LRGUK: variants seen among roughly 807,000 people sequenced by gnomAD.
LRGUK encodes the protein leucine-rich repeat and guanylate kinase domain-containing protein.
LRGUK carries 65 observed loss-of-function variants against 76.0 expected under a neutral mutation model. That is an observed-to-expected ratio of 0.85 (90% CI 0.70 to 1.05). The LOEUF is 1.05. Ranked by LOEUF, LRGUK falls within the 50% of genes least tolerant of loss-of-function variation. The probability of loss-of-function intolerance (pLI) is 0.00; values close to 1 mark genes in which losing one functional copy is unlikely to be tolerated. For synonymous variants in LRGUK, 268 were observed against 265.6 expected (o/e 1.01, Z -0.09); for missense variants, 758 against 732.8 (o/e 1.03, Z -0.40).
At chr7:134,260,560 C>A (rs187738202) in intron 19 of LRGUK, among the ~76,000 whole-genome samples, 35 of 152,316 alleles carry the variant, frequency 2.3e-4, no homozygotes, top group African/African-American at 8.4e-4. Context: ...GGCTTCACAT[C>A]TTTTCAGGCC....
intron 15 of LRGUK, among the ~76,000 whole-genome samples, chr7:134,202,365 A>G (rs999853163): frequency 1.3e-5 from 2 of 152,194 alleles, no homozygotes; most frequent in African/African-American, 4.8e-5. Context: ...ATGTGGAGAA[A>G]TTGGAACCCT....
intron 8 of LRGUK, among the ~76,000 whole-genome samples, chr7:134,175,128 C>T (rs1799427887): frequency 6.6e-6 from 1 of 152,134 alleles, no homozygotes. Flanking sequence ...AATTATAGAA[C>T]AGAATAATAC....
At position 134,167,956 on chromosome 7, in the gene LRGUK, C is replaced by T. The variant is rs1356249735; in HGVS notation, c.939+4416C>T. 5.3e-5 allele frequency among the ~76,000 whole-genome samples: 8 copies of T among 152,296 alleles called. No individual in the cohort carries two copies. In the East Asian group the frequency reaches 1.5e-3, roughly 29 times the overall value. ...CATATTGCATATTCTAGTTTCACAT[C>T]TGTTACAGTTCACTGGCTTTCCAAC... On this transcript the variant is annotated intron_variant, in intron 7 of 15. Coordinates refer to ENST00000645682, the Ensembl canonical transcript of LRGUK.
At chr7:134,221,795 C>G in exon 16 of LRGUK, 1 of 1,547,420 alleles carries the variant, frequency 6.5e-7, no homozygotes, top group South Asian at 1.3e-5. Context: ...AGACATCCCA[C>G]CTGAAACCTG....
chr7:134,156,275 A>T (rs55763925), intron 5 of LRGUK, among the ~76,000 whole-genome samples: 3 of 151,868 alleles, frequency 2.0e-5, no homozygotes, highest in Non-Finnish European at 1.5e-5. Context: ...GTTTTTTATT[A>T]GGTTGTTTTT....
At chr7:134,167,153 G>C (rs1799026588) in intron 7 of LRGUK, among the ~76,000 whole-genome samples, 1 of 152,154 alleles carries the variant, frequency 6.6e-6, no homozygotes, top group African/African-American at 2.4e-5. Flanking sequence ...ACAGGAGGGA[G>C]GACCCCTTGG....
At chr7:134,178,699 T>TA (rs1799594551) in intron 10 of LRGUK, 90 bp downstream of exon 10, 3 of 907,516 alleles carry the variant, frequency 3.3e-6, no homozygotes, top group Admixed American at 2.8e-5. Flanking sequence ...TTGTGACCCC[T>TA]TTATTTCCTA....
In LRGUK at chr7:134,156,298, T is replaced by G. The variant is rs537661085; in HGVS notation, c.671-1737T>G. Among the ~76,000 whole-genome samples the G allele has an allele frequency of 8.9e-4, 135 of 152,302 alleles. 1 individual carries two copies. The highest frequency in any genetic ancestry group is 3.0e-3 in the African/African-American group (123 of 41,560). On this transcript the variant is annotated intron_variant, in intron 5 of 15. Coordinates refer to ENST00000645682, the Ensembl canonical transcript of LRGUK. Reference sequence around the variant, plus strand: ...TTAGGTTGTTTTTTTTTCTATTGATTTATTGTCATTTTTAATGTATTCTAG... The same window carrying G: ...TTAGGTTGTTTTTTTTTCTATTGATGTATTGTCATTTTTAATGTATTCTAG...
rs1800253366 is a variant in LRGUK at position 134,191,650 on chromosome 7, T to A, written c.1335-5T>A. 4.4e-6 allele frequency: 7 copies of A among 1,598,842 alleles called. No individual in the cohort carries two copies. The highest frequency in any genetic ancestry group is 2.2e-5 in the South Asian group (2 of 89,800). ...TGGACTAGGTGATCTGTTTTATGATTTCAGGGCCTGTCATACCACAAGACC... is the reference window on the plus strand; with the variant it reads ...TGGACTAGGTGATCTGTTTTATGATATCAGGGCCTGTCATACCACAAGACC... On this transcript the variant is annotated splice_polypyrimidine_tract_variant and splice_region_variant and intron_variant, in intron 11 of 15. Coordinates refer to ENST00000645682, the Ensembl canonical transcript of LRGUK.
downstream of LRGUK, among the ~76,000 whole-genome samples, chr7:134,211,876 C>G (rs1801287825): frequency 6.6e-6 from 1 of 152,162 alleles, no homozygotes; most frequent in African/African-American, 2.4e-5. Context: ...AAGGGCAGGG[C>G]TACAGCAAGT....
chr7:134,212,712 T>TA (rs1298684731), downstream of LRGUK, among the ~76,000 whole-genome samples: 1 of 152,216 alleles, frequency 6.6e-6, no homozygotes, highest in African/African-American at 2.4e-5. Context: ...AACAAGCATT[T>TA]ATTGAGCACA....
At chr7:134,233,994 C>G (rs1368257339) in intron 16 of LRGUK, among the ~76,000 whole-genome samples, 2 of 152,100 alleles carry the variant, frequency 1.3e-5, no homozygotes, top group Non-Finnish European at 2.9e-5. Flanking sequence ...TTTTTTAGCT[C>G]ATCAGCTATT....
At chr7:134,131,919 T>C (rs770762965) in intron 1 of LRGUK, among the ~76,000 whole-genome samples, 24 of 151,994 alleles carry the variant, frequency 1.6e-4, no homozygotes, top group Admixed American at 5.9e-4. Flanking sequence ...AGGCCACGAA[T>C]AGACCCATAA....
the LRGUK span, among the ~76,000 whole-genome samples, chr7:134,273,930 A>G: frequency 6.6e-6 from 1 of 152,130 alleles, no homozygotes; most frequent in African/African-American, 2.4e-5. Context: ...TGTTATAAAT[A>G]TTCATCTTAA....
chr7:134,224,925 G>C (rs976964249), intron 16 of LRGUK, among the ~76,000 whole-genome samples: 1 of 151,688 alleles, frequency 6.6e-6, no homozygotes, highest in South Asian at 2.1e-4. Flanking sequence ...AGTGGCTCGC[G>C]CTTGTGGTCC....
chr7:134,173,997 T>A (rs1342741438), intron 7 of LRGUK, among the ~76,000 whole-genome samples: 1 of 151,574 alleles, frequency 6.6e-6, no homozygotes, highest in Non-Finnish European at 1.5e-5. Context: ...TAATCTCAGC[T>A]ACTCAGGAGG....
chr7:134,139,578 T>C (rs981887891), intron 3 of LRGUK, 61 bp downstream of exon 3: 11 of 1,038,382 alleles, frequency 1.1e-5, no homozygotes, highest in African/African-American at 4.7e-5. Context: ...CGTTGCAGTA[T>C]GTAATATGGT....
At chr7:134,150,198 C>G (rs1393375616) in intron 5 of LRGUK, among the ~76,000 whole-genome samples, 1 of 151,932 alleles carries the variant, frequency 6.6e-6, no homozygotes, top group Non-Finnish European at 1.5e-5. Flanking sequence ...TGGCATGAAC[C>G]CGGGAGGCAG....
At chr7:134,151,544 G>T (rs1410727537) in intron 5 of LRGUK, among the ~76,000 whole-genome samples, 10 of 151,878 alleles carry the variant, frequency 6.6e-5, no homozygotes, top group Non-Finnish European at 1.3e-4. Flanking sequence ...TTTTAATTAG[G>T]TTACTTTGAT....
Sources: allele counts gnomAD v4.1 joint callset (sites outside exome capture counted in the v4.1 genomes callset), GRCh38; gene constraint gnomAD v4.1.1; transcripts MANE v1.5; gene names NCBI Gene and HGNC (gene_info 2026-07-23, HGNC 2026-07-21).